POPDC1: variants seen among roughly 807,000 people sequenced by gnomAD.
POPDC1 encodes the protein popeye domain-containing protein 1.
chr6:105,101,280 C>G, the POPDC1 span: 2 of 1,417,724 alleles, frequency 1.4e-6, no homozygotes, highest in Non-Finnish European at 1.9e-6. Context: ...TGTGATATAT[C>G]AATTATAAAT....
chr6:105,113,177 CAG>C, the POPDC1 span, among the ~76,000 whole-genome samples: 3 of 152,032 alleles, frequency 2.0e-5, no homozygotes, highest in African/African-American at 7.2e-5. Context: ...AGCGATCCTC[CAG>C]CTTCAACCTC....
the POPDC1 span, among the ~76,000 whole-genome samples, chr6:105,130,903 T>G: frequency 6.6e-6 from 1 of 152,372 alleles, no homozygotes; most frequent in East Asian, 1.9e-4. Context: ...TACTTTATTT[T>G]GCATTTCCAT....
the POPDC1 span, among the ~76,000 whole-genome samples, chr6:105,132,191 C>T: frequency 6.6e-6 from 1 of 152,164 alleles, no homozygotes; most frequent in South Asian, 2.1e-4. Context: ...GTCTCGAACT[C>T]CTGACCTCAG....
At chr6:105,114,158 A>T in the POPDC1 span, among the ~76,000 whole-genome samples, 2 of 152,206 alleles carry the variant, frequency 1.3e-5, no homozygotes, top group African/African-American at 2.4e-5. Context: ...TTGCCTTTTC[A>T]TAACTTACTA....
chr6:105,123,423 C>T, the POPDC1 span, among the ~76,000 whole-genome samples: 14 of 151,526 alleles, frequency 9.2e-5, no homozygotes, highest in South Asian at 2.1e-4. Context: ...TTTTTTGAGA[C>T]GGAGTCTTGC....
At chr6:105,124,321 G>T in the POPDC1 span, among the ~76,000 whole-genome samples, 1 of 139,994 alleles carries the variant, frequency 7.1e-6, no homozygotes, top group Non-Finnish European at 1.5e-5. Context: ...GGCGGAGCTT[G>T]CAGTGAGCCG....
chr6:105,097,117 G>A, the POPDC1 span: 2 of 152,190 alleles, frequency 1.3e-5, no homozygotes, highest in African/African-American at 4.8e-5. Flanking sequence ...AGTATTCGGG[G>A]GGCTCTGTGA....
chr6:105,120,994 CTTAATA>C, the POPDC1 span, among the ~76,000 whole-genome samples: 1 of 152,156 alleles, frequency 6.6e-6, no homozygotes, highest in Non-Finnish European at 1.5e-5. Flanking sequence ...AAAATATTTA[CTTAATA>C]TTAAGATAAT....
chr6:105,136,677 G>A, the POPDC1 span: 1 of 152,214 alleles, frequency 6.6e-6, no homozygotes, highest in Non-Finnish European at 1.5e-5. Flanking sequence ...TGACCTGAGC[G>A]GCGGCCGCTG....
chr6:105,136,136 G>C, the POPDC1 span: 5 of 152,100 alleles, frequency 3.3e-5, no homozygotes, highest in Non-Finnish European at 7.4e-5. Context: ...CTTGCTAGTC[G>C]AGTTAATTCA....
At chr6:105,102,517 G>A in the POPDC1 span, among the ~76,000 whole-genome samples, 1 of 152,214 alleles carries the variant, frequency 6.6e-6, no homozygotes, top group Admixed American at 6.5e-5. Flanking sequence ...TATGGCACAG[G>A]GGGAGGGAGC....
At chr6:105,133,634 G>T in the POPDC1 span, 1 of 1,378,460 alleles carries the variant, frequency 7.3e-7, no homozygotes, top group South Asian at 1.3e-5. Context: ...AATGGCAATT[G>T]TATCTTTTTA....
the POPDC1 span, among the ~76,000 whole-genome samples, chr6:105,126,691 G>C: frequency 2.6e-4 from 39 of 152,140 alleles, no homozygotes; most frequent in Non-Finnish European, 3.8e-4. Flanking sequence ...CACAAAATAG[G>C]AATCAATGAG....
chr6:105,115,149 T>C, the POPDC1 span, among the ~76,000 whole-genome samples: 4 of 152,236 alleles, frequency 2.6e-5, no homozygotes, highest in Admixed American at 6.5e-5. Context: ...TGCAGTGGCG[T>C]GATCTCAACT....
the POPDC1 span, among the ~76,000 whole-genome samples, chr6:105,119,438 C>G: frequency 6.6e-6 from 1 of 152,142 alleles, no homozygotes; most frequent in Non-Finnish European, 1.5e-5. Context: ...GAAGTAGGAT[C>G]AAAAACATGG....
the POPDC1 span, chr6:105,100,576 A>ATG: frequency 1.7e-5 from 1 of 57,658 alleles, no homozygotes; most frequent in Admixed American, 2.4e-4. Context: ...ATATGTATGT[A>ATG]TGTATGTGTG....
chr6:105,124,505 C>T, the POPDC1 span: 3 of 1,354,068 alleles, frequency 2.2e-6, no homozygotes, highest in African/African-American at 2.9e-5. Flanking sequence ...GAATGAGATG[C>T]AAACTAGTTT....
At chr6:105,126,498 T>C in the POPDC1 span, among the ~76,000 whole-genome samples, 1 of 152,172 alleles carries the variant, frequency 6.6e-6, no homozygotes, top group South Asian at 2.1e-4. Context: ...AGATCCGCAC[T>C]ATTCATCATA....
At chr6:105,106,164 T>A in the POPDC1 span, among the ~76,000 whole-genome samples, 1 of 152,164 alleles carries the variant, frequency 6.6e-6, no homozygotes, top group Non-Finnish European at 1.5e-5. Context: ...ATAAACAGTA[T>A]CATACTGAAC....
Sources: gnomAD v4.1 joint callset for allele counts (sites outside exome capture counted in the v4.1 genomes callset) on GRCh38, gnomAD v4.1.1 for gene constraint, MANE v1.5 for transcripts, NCBI Gene and HGNC (gene_info 2026-07-23, HGNC 2026-07-21) for gene names.